Variants in PDE7A observed in about 807,000 individuals in gnomAD.
PDE7A encodes high affinity 3',5'-cyclic-AMP phosphodiesterase 7A.
A neutral mutation model predicts 64.3 loss-of-function variants in PDE7A; 39 were observed. That is an observed-to-expected ratio of 0.61 (90% confidence interval 0.47 to 0.79). The LOEUF is 0.79. Among genes scored for constraint, PDE7A ranks in the 30% least tolerant of loss-of-function variants. PDE7A has a pLI of 0.00. For synonymous variants in PDE7A, 203 were observed against 206.8 expected (o/e 0.98, Z 0.16); for missense variants, 470 against 582.8 (o/e 0.81, Z 1.99).
intron 2 of PDE7A, among the ~76,000 whole-genome samples, chr8:65,781,498 G>A (rs1360179664): frequency 1.3e-5 from 2 of 152,208 alleles, no homozygotes; most frequent in Admixed American, 1.3e-4. Flanking sequence ...AGGGCCTCCA[G>A]TTAAGGAGTA....
chr8:65,763,029 G>C lies in PDE7A; in HGVS notation c.284-15226C>G, dbSNP rs76112748. ...TGTGTGTGTGTGTGTGTGTGTGTGT[G>C]TGTGTGTGTATAAAATGAATATACA... is the stretch of plus-strand genomic sequence containing the variant. On this transcript the variant is annotated intron_variant, in intron 3 of 12. Transcript: ENST00000401827. 7.7e-3 allele frequency among the ~76,000 whole-genome samples: 1,127 copies of C among 146,200 alleles called. 10 individuals are homozygous for C. The highest frequency in any genetic ancestry group is 0.025 in the African/African-American group (1,016 of 40,108).
chr8:65,766,200 C>T (rs894100735), intron 3 of PDE7A, among the ~76,000 whole-genome samples: 4 of 152,210 alleles, frequency 2.6e-5, no homozygotes, highest in Non-Finnish European at 5.9e-5. Flanking sequence ...CCCGCCTTGG[C>T]CTCCCAAAGT....
At chr8:65,782,578 G>T (rs756365287) in intron 2 of PDE7A, among the ~76,000 whole-genome samples, 1 of 152,136 alleles carries the variant, frequency 6.6e-6, no homozygotes, top group Non-Finnish European at 1.5e-5. Context: ...TTAGGCCAAA[G>T]ATTTCTCAAT....
intron 1 of PDE7A, among the ~76,000 whole-genome samples, chr8:65,787,749 C>T (rs1439804996): frequency 6.6e-6 from 1 of 151,438 alleles, no homozygotes; most frequent in Non-Finnish European, 1.5e-5. Flanking sequence ...TTGAGACCAG[C>T]CTGGGCAACA....
rs546601180 is a variant in PDE7A at position 65,796,796 on chromosome 8, C to G, written c.139-13953G>C. Among the ~76,000 whole-genome samples the G allele has an allele frequency of 3.3e-5, 5 of 152,196 alleles. No individual in the cohort carries two copies. The East Asian group carries it at 9.6e-4, about 29-fold the overall frequency. On this transcript the variant is annotated intron_variant, in intron 1 of 12. Transcript: ENST00000401827. ...TAAGATCACAAGCAAAGTTGCTCTA[C>G]CACTTCAACATGGTACTGAAAGTCA... is the stretch of plus-strand genomic sequence containing the variant.
intron 1 of PDE7A, among the ~76,000 whole-genome samples, chr8:65,784,699 G>C (rs1038470523): frequency 5.9e-5 from 9 of 151,572 alleles, no homozygotes. Flanking sequence ...ATATGACAAA[G>C]GGCTAATTTT....
intron 3 of PDE7A, among the ~76,000 whole-genome samples, chr8:65,769,158 G>A (rs776094386): frequency 2.7e-5 from 4 of 147,248 alleles, no homozygotes; most frequent in African/African-American, 1.0e-4. Context: ...TGAGGCATGA[G>A]AATTGCTTGA....
chr8:65,758,476 T>A (rs966277037), intron 3 of PDE7A, among the ~76,000 whole-genome samples: 1 of 152,142 alleles, frequency 6.6e-6, no homozygotes, highest in African/African-American at 2.4e-5. Context: ...CATATCAGCA[T>A]CCTCCACAAC....
chr8:65,841,174 T>G, intron 1 of PDE7A, among the ~76,000 whole-genome samples, 197 bp downstream of exon 1: 1 of 151,250 alleles, frequency 6.6e-6, no homozygotes. Context: ...CAGGGTGGGG[T>G]TTTGGGGAGG....
In PDE7A at chr8:65,788,900, G is replaced by C. The variant is rs150028041; in HGVS notation, c.139-6057C>G. On this transcript the variant is annotated intron_variant, in intron 1 of 12. Coordinates refer to ENST00000401827, the MANE Select transcript of PDE7A (RefSeq NM_001242318.3). ...GGCCTACCTTAGAGGTGATCCACTT[G>C]ATAAGAACCAAGGCCAGACACCAGA... 3.7e-5 allele frequency: 60 copies of C among 1,611,590 alleles called. No individual in the cohort carries two copies. In the East Asian group the frequency reaches 1.1e-3, roughly 31 times the overall value.
chr8:65,781,428 T>C (rs1809416846), intron 2 of PDE7A, among the ~76,000 whole-genome samples: 1 of 152,144 alleles, frequency 6.6e-6, no homozygotes, highest in Admixed American at 6.5e-5. Flanking sequence ...CAGATGATTA[T>C]GTCTGAAAAG....
intron 1 of PDE7A, among the ~76,000 whole-genome samples, chr8:65,798,193 TATATATA>T (rs1809892279): frequency 1.4e-4 from 3 of 22,034 alleles, no homozygotes; most frequent in South Asian, 1.5e-3. Context: ...TATATATATA[TATATATA>T]TATATATTTT....
chr8:65,803,830 C>T (rs750458325), intron 1 of PDE7A, among the ~76,000 whole-genome samples: 4 of 152,052 alleles, frequency 2.6e-5, no homozygotes, highest in African/African-American at 4.8e-5. Flanking sequence ...TGTCAATTCC[C>T]AAATTCTCTT....
At chr8:65,815,617 A>C (rs770311600) in intron 1 of PDE7A, among the ~76,000 whole-genome samples, 138 of 143,544 alleles carry the variant, frequency 9.6e-4, no homozygotes, top group Non-Finnish European at 1.5e-3. Flanking sequence ...AAATGAAAGA[A>C]TAGTCAGATG....
At chr8:65,821,681 A>G (rs533446145) in intron 1 of PDE7A, among the ~76,000 whole-genome samples, 6 of 152,250 alleles carry the variant, frequency 3.9e-5, no homozygotes, top group Non-Finnish European at 7.3e-5. Flanking sequence ...CTGTAGCTAT[A>G]GAATACTTGA....
intron 3 of PDE7A, among the ~76,000 whole-genome samples, chr8:65,775,740 G>A (rs1383245724): frequency 1.3e-5 from 2 of 152,172 alleles, no homozygotes; most frequent in South Asian, 4.1e-4. Flanking sequence ...TGATTCTCCT[G>A]CCTCAGCCTC....
intron 3 of PDE7A, among the ~76,000 whole-genome samples, chr8:65,764,337 G>C (rs895236609): frequency 2.0e-5 from 3 of 152,198 alleles, no homozygotes; most frequent in African/African-American, 7.2e-5. Context: ...TAAGATCTTA[G>C]TCTACAATAC....
chr8:65,794,692 TGC>T (rs1809792413), intron 1 of PDE7A, among the ~76,000 whole-genome samples: 1 of 152,152 alleles, frequency 6.6e-6, no homozygotes, highest in African/African-American at 2.4e-5. Context: ...CATATAACAT[TGC>T]AAAAGAGAGA....
chr8:65,721,226 T>G (rs1200753985), intron 12 of PDE7A, among the ~76,000 whole-genome samples: 1 of 152,234 alleles, frequency 6.6e-6, no homozygotes, highest in Non-Finnish European at 1.5e-5. Context: ...CTTCACAGAT[T>G]TCACAGGACG....
Sources: gnomAD v4.1 joint callset for allele counts (sites outside exome capture counted in the v4.1 genomes callset) on GRCh38, gnomAD v4.1.1 for gene constraint, MANE v1.5 for transcripts, NCBI Gene and HGNC (gene_info 2026-07-23, HGNC 2026-07-21) for gene names.